MKLN1: variants seen among roughly 807,000 people sequenced by gnomAD.
MKLN1 encodes the protein muskelin.
MKLN1 carries 18 observed loss-of-function variants against 99.0 expected under a neutral mutation model. The observed-to-expected ratio is 0.18, with a 90% CI of 0.13 to 0.27. The LOEUF (loss-of-function observed/expected upper bound fraction) is 0.27, where lower values mean the gene tolerates loss of function less well. MKLN1 is among the 10% of genes least tolerant of loss of function. The pLI is 1.00. For missense variants in MKLN1, 621 were observed against 875.9 expected (o/e 0.71, Z 3.67); for synonymous variants, 288 against 293.2 (o/e 0.98, Z 0.18).
intron 2 of MKLN1, among the ~76,000 whole-genome samples, chr7:131,375,830 T>TAAA (rs1793629356): frequency 2.0e-5 from 3 of 150,314 alleles, no homozygotes; most frequent in Admixed American, 2.0e-4. Context: ...AATAGTTTAT[T>TAAA]TTATTATAAT....
At chr7:131,256,520 G>A (rs2116526908) in intron 3 of MKLN1, among the ~76,000 whole-genome samples, 1 of 152,312 alleles carries the variant, frequency 6.6e-6, no homozygotes, top group East Asian at 1.9e-4. Context: ...TGAGGTGGGT[G>A]GGAGCAAAGC....
intron 1 of MKLN1, among the ~76,000 whole-genome samples, chr7:131,345,663 A>G (rs749942679): frequency 9.9e-5 from 15 of 152,116 alleles, no homozygotes; most frequent in Admixed American, 1.3e-4. Flanking sequence ...GCAGTGAGCT[A>G]TGTTCATGCC....
chr7:131,227,509 CT>C (rs759380142), intron 3 of MKLN1, among the ~76,000 whole-genome samples: 1 of 134,058 alleles, frequency 7.5e-6, no homozygotes, highest in African/African-American at 2.8e-5. Context: ...TTCTTTCTTT[CT>C]TTCTTTCTTT....
intron 3 of MKLN1, among the ~76,000 whole-genome samples, chr7:131,232,811 A>C (rs1797262243): frequency 6.6e-6 from 1 of 152,066 alleles, no homozygotes; most frequent in African/African-American, 2.4e-5. Flanking sequence ...ATGCCACTGC[A>C]CTCCAGCCTG....
At chr7:131,405,241 A>T (rs1794665356) in intron 6 of MKLN1, among the ~76,000 whole-genome samples, 1 of 151,618 alleles carries the variant, frequency 6.6e-6, no homozygotes, top group Non-Finnish European at 1.5e-5. Context: ...ATATTTTTCC[A>T]TCAGCACATG....
Position 131,426,942 on chromosome 7 carries a change from A to G in MKLN1, c.848-2091A>G, listed in dbSNP as rs375569109. On this transcript the variant is annotated intron_variant, in intron 8 of 17. Coordinates refer to ENST00000352689, the MANE Select transcript of MKLN1 (RefSeq NM_013255.5). ...GCTAATTTTTGTATTTTTGGTAGAG[A>G]CGGGATTTCACCATGTTGACCAGGC... is the stretch of plus-strand genomic sequence containing the variant. 1.8e-4 allele frequency among the ~76,000 whole-genome samples: 27 copies of G among 152,110 alleles called. No homozygotes were observed. The East Asian group carries it at 4.6e-3, about 26-fold the overall frequency.
At chr7:131,126,701 G>A (rs987501264) in intron 1 of MKLN1, among the ~76,000 whole-genome samples, 3 of 152,134 alleles carry the variant, frequency 2.0e-5, no homozygotes, top group African/African-American at 7.2e-5. Context: ...TTACAGGTGC[G>A]TGCCACTGTG....
intron 3 of MKLN1, among the ~76,000 whole-genome samples, chr7:131,320,019 A>C (rs531043740): frequency 6.6e-6 from 1 of 152,368 alleles, no homozygotes; most frequent in East Asian, 1.9e-4. Flanking sequence ...TAATTTATAG[A>C]TTCAATGCTA....
intron 17 of MKLN1, among the ~76,000 whole-genome samples, chr7:131,481,771 A>T (rs1456812896): frequency 6.7e-6 from 1 of 148,430 alleles, no homozygotes; most frequent in Non-Finnish European, 1.5e-5. Context: ...TATTTACTGT[A>T]CCTTTCATTG....
intron 2 of MKLN1, among the ~76,000 whole-genome samples, chr7:131,152,720 G>A (rs779104693): frequency 4.6e-5 from 7 of 151,554 alleles, no homozygotes; most frequent in Middle Eastern, 3.2e-3. Flanking sequence ...GGGTGCTCTC[G>A]AACTCCTGAC....
At chr7:131,131,277 T>G (rs879263934) in intron 1 of MKLN1, among the ~76,000 whole-genome samples, 2 of 151,880 alleles carry the variant, frequency 1.3e-5, no homozygotes, top group Non-Finnish European at 2.9e-5. Flanking sequence ...CTCGGGAGGC[T>G]GAGGAGGGAG....
At position 131,327,924 on chromosome 7, in the gene MKLN1, G is replaced by A; in HGVS notation, c.25G>A (p.Ala9Thr). The stretch of plus-strand genomic sequence containing the variant: ...GATGGCGGCTGGCGGAGCTGTCGCT[G>A]CGGCGCCCGAGTGCCGGCTTCTCCC... MAAGGAVA[A>T]APECRLLPYA... Residue 9 changes from alanine (A) to threonine (T), a missense_variant, in exon 1 of 18, where the codon GCG (alanine) becomes ACG (threonine). Transcript: ENST00000352689. The A allele has an allele frequency of 1.2e-6, 2 of 1,613,182 alleles. No homozygotes were observed. Among genetic ancestry groups the A allele is most frequent in the South Asian group, 1.1e-5 (1 of 91,088 alleles).
intron 9 of MKLN1, among the ~76,000 whole-genome samples, chr7:131,434,240 T>A (rs1795612447): frequency 6.6e-6 from 1 of 152,164 alleles, no homozygotes; most frequent in African/African-American, 2.4e-5. Context: ...CATGGTTTAG[T>A]CTCCATTTAT....
rs994674103 is a variant in MKLN1, at chr7:131,152,918, C to T, written c.-297+9977C>T. On this transcript the variant is annotated intron_variant, in intron 2 of 7. Coordinates refer to the MKLN1 transcript ENST00000416992. ...CTCATAACTTATTTGTTGCAAAAAC[C>T]AAGTTGTTTGTCCTGTAGAACTTCC... 1.7e-4 allele frequency among the ~76,000 whole-genome samples: 26 copies of T among 151,782 alleles called. 2 individuals are homozygous for T. The East Asian group carries it at 4.6e-3, about 27-fold the overall frequency.
chr7:131,309,926 T>G (rs571773755), intron 3 of MKLN1: 1 of 151,792 alleles, frequency 6.6e-6, no homozygotes, highest in Non-Finnish European at 1.5e-5. Flanking sequence ...AGGGTTTCAC[T>G]GTGTTATCCA....
chr7:131,440,997 A>T (rs978379929), intron 10 of MKLN1, among the ~76,000 whole-genome samples: 3 of 152,224 alleles, frequency 2.0e-5, no homozygotes, highest in African/African-American at 7.2e-5. Flanking sequence ...ATTTCTCTAC[A>T]TCTACTTTCA....
rs186297081 is a variant in MKLN1, at chr7:131,283,731, C to T, written c.-179+80757C>T. ...GATAACAGGCGTGTGCCATTGTGCC[C>T]GGCCGAGAAGGCCCTTTCATTTCAA... On this transcript the variant is annotated intron_variant, in intron 3 of 7. Coordinates refer to the MKLN1 transcript ENST00000416992. 2.0e-3 allele frequency among the ~76,000 whole-genome samples: 297 copies of T among 151,882 alleles called. 1 individual carries two copies. Among genetic ancestry groups the T allele is most frequent in the African/African-American group, 3.5e-3 (143 of 41,434 alleles).
chr7:131,439,643 G>A (rs1369010073), intron 10 of MKLN1, among the ~76,000 whole-genome samples: 6 of 152,020 alleles, frequency 3.9e-5, no homozygotes, highest in Non-Finnish European at 5.9e-5. Flanking sequence ...TGACAATTTA[G>A]GATTTAACAC....
At chr7:131,485,044 A>G (rs1456643397) in intron 17 of MKLN1, among the ~76,000 whole-genome samples, 1 of 152,112 alleles carries the variant, frequency 6.6e-6, no homozygotes, top group Non-Finnish European at 1.5e-5. Flanking sequence ...CAATTAGCAC[A>G]GCTGTTCTTG....
Sources: gnomAD v4.1 joint callset for allele counts (sites outside exome capture counted in the v4.1 genomes callset) on GRCh38, gnomAD v4.1.1 for gene constraint, MANE v1.5 for transcripts, NCBI Gene and HGNC (gene_info 2026-07-23, HGNC 2026-07-21) for gene names.